The following ANKRD30A variants were observed in gnomAD, a reference collection of about 807,000 sequenced individuals.
ANKRD30A encodes the protein ankyrin repeat domain-containing protein 30A.
Under a neutral mutation model 166.3 loss-of-function variants are expected in ANKRD30A, and 170 were observed. That is an observed-to-expected ratio of 1.02 (90% confidence interval 0.90 to 1.16). ANKRD30A has a LOEUF of 1.16. ANKRD30A is among the 50% of genes most tolerant of loss of function. ANKRD30A has a pLI of 0.00. For synonymous variants in ANKRD30A, 564 were observed against 508.9 expected, an observed-to-expected ratio of 1.11 and a Z score of -1.46; for missense variants, 1,630 against 1,518.0, an observed-to-expected ratio of 1.07 and a Z score of -1.23.
intron 13 of ANKRD30A, among the ~76,000 whole-genome samples, chr10:37,155,160 A>G (rs1251654904): frequency 6.6e-6 from 1 of 152,208 alleles, no homozygotes; most frequent in Non-Finnish European, 1.5e-5. Context: ...TACTGATTTT[A>G]ACATAGAAAA....
chr10:37,245,551 A>C, the ANKRD30A span, among the ~76,000 whole-genome samples: 2 of 151,934 alleles, frequency 1.3e-5, no homozygotes. Context: ...TTGTTTTCAT[A>C]ATATATATCT....
chr10:37,196,548 T>C (rs914637156), intron 27 of ANKRD30A, among the ~76,000 whole-genome samples: 1 of 152,194 alleles, frequency 6.6e-6, no homozygotes, highest in African/African-American at 2.4e-5. Context: ...ATAAGATTGC[T>C]TTTTAAGATA....
In ANKRD30A at chr10:37,158,309, T is replaced by C. The variant is rs1838539834; in HGVS notation, c.1799-83T>C. On this transcript the variant is annotated intron_variant, in intron 13 of 35. Transcript: ENST00000361713. ...TTTGCAATCCAAGCATGAGGATTCA[T>C]CTTCATGTTCACACTGTGTGAATGT... 4 of 1,514,056 alleles carry C rather than the reference T, an allele frequency of 2.6e-6. No homozygotes were observed. In the South Asian group the frequency reaches 4.7e-5, roughly 18 times the overall value. 93.8% of individuals were successfully genotyped at this position (1,514,056 alleles called of 1,614,324 possible).
At position 37,142,152 on chromosome 10, in the gene ANKRD30A, T is replaced by G. The variant is rs533890211; in HGVS notation, c.1255T>G (p.Trp419Gly). The G allele has an allele frequency of 6.2e-7, 1 of 1,613,918 alleles. No individual in the cohort carries two copies. The highest frequency in any genetic ancestry group is 2.2e-5 in the East Asian group (1 of 44,876). ...AAAAGGAAGACCTAGGAAGATCGCA[T>G]GGGAGAAAAAAGAAACACCTGTAAA... is the stretch of plus-strand genomic sequence containing the variant. ...AAKGRPRKIAWEKKETPVKTG... is the reference protein window; with the variant it reads ...AAKGRPRKIAGEKKETPVKTG... Residue 419 changes from tryptophan to glycine, a missense_variant, in exon 7 of 36, where the codon TGG becomes GGG. By Grantham distance (184) the Trp-to-Gly change is radical. Transcript: ENST00000361713.
At chr10:37,179,024 A>C (rs1454762992) in intron 24 of ANKRD30A, among the ~76,000 whole-genome samples, 2 of 21,616 alleles carry the variant, frequency 9.3e-5, no homozygotes, top group African/African-American at 2.6e-4. Context: ...ATATATATAT[A>C]TATATATATA....
chr10:37,156,477 A>T (rs1745987694), intron 13 of ANKRD30A, among the ~76,000 whole-genome samples: 1 of 152,224 alleles, frequency 6.6e-6, no homozygotes, highest in South Asian at 2.1e-4. Flanking sequence ...AGAGTTTTCA[A>T]CCTTACATAG....
rs1420262529 is a variant in ANKRD30A, at chr10:37,162,780, C to G, written c.1934C>G (p.Ala645Gly). ...TTTGCTTCCAACCCCATTTAGCCTG[C>G]CACTGAAATGCAAAAGTCTGTCCCA... ...PPGKPSAFEPATEMQKSVPNK... is the reference protein window; with the variant it reads ...PPGKPSAFEPGTEMQKSVPNK... The change falls in exon 17 of 36, where the codon GCC becomes GGC. Residue 645 changes from alanine (A) to glycine (G), a missense_variant. Around this residue, in one of 4 missense-constraint regions of ANKRD30A, gnomAD observed 904 missense variants for 818.5 expected, o/e 1.10. Transcript: ENST00000361713. 1.2e-6 allele frequency: 2 copies of G among 1,613,694 alleles called. No homozygotes were observed.
the ANKRD30A span, among the ~76,000 whole-genome samples, chr10:37,264,007 A>G: frequency 6.6e-6 from 1 of 152,236 alleles, no homozygotes; most frequent in Non-Finnish European, 1.5e-5. Context: ...TTAAGAGGAC[A>G]AAGGAGGAAA....
chr10:37,152,014 G>C, intron 11 of ANKRD30A, 46 bp from the exon 12 acceptor site: 2 of 1,498,926 alleles, frequency 1.3e-6, no homozygotes, highest in Non-Finnish European at 9.2e-7. Context: ...AAAATTTATA[G>C]TAGAGAAATG....
At chr10:37,129,852 A>G (rs752257064) in intron 1 of ANKRD30A, 41 bp from the exon 2 acceptor site, 1 of 1,259,290 alleles carries the variant, frequency 7.9e-7, no homozygotes, top group Non-Finnish European at 1.1e-6. Context: ...GTTTTGGGAC[A>G]GTGGACTAAA....
intron 31 of ANKRD30A, among the ~76,000 whole-genome samples, chr10:37,211,065 C>T (rs1006175275): frequency 2.0e-5 from 3 of 151,788 alleles, no homozygotes; most frequent in Non-Finnish European, 4.4e-5. Flanking sequence ...AATGATATTG[C>T]CTAGGTTTTC....
chr10:37,162,894 G>T, intron 17 of ANKRD30A, 46 bp downstream of exon 17: 2 of 1,592,470 alleles, frequency 1.3e-6, no homozygotes, highest in South Asian at 1.1e-5. Context: ...TTTCAATATT[G>T]GACATTTTGA....
intron 29 of ANKRD30A, among the ~76,000 whole-genome samples, chr10:37,197,927 T>C (rs766078431): frequency 9.2e-5 from 14 of 152,062 alleles, no homozygotes; most frequent in Non-Finnish European, 1.3e-4. Flanking sequence ...AGAAAATCAG[T>C]AACTCGGATT....
At chr10:37,259,864 A>C in the ANKRD30A span, among the ~76,000 whole-genome samples, 1 of 152,256 alleles carries the variant, frequency 6.6e-6, no homozygotes, top group Admixed American at 6.5e-5. Context: ...GGTGTTTGTA[A>C]TTTCTATTTC....
At chr10:37,133,020 A>C (rs1836470882) in intron 4 of ANKRD30A, among the ~76,000 whole-genome samples, 1 of 152,108 alleles carries the variant, frequency 6.6e-6, no homozygotes, top group African/African-American at 2.4e-5. Context: ...AAAAAGAAAA[A>C]TTAAATAGAA....
intron 6 of ANKRD30A, 86 bp from the exon 7 acceptor site, chr10:37,141,632 C>CAG (rs1191543778): frequency 7.6e-7 from 1 of 1,318,588 alleles, no homozygotes; most frequent in African/African-American, 1.5e-5. Context: ...GGAAAGCATA[C>CAG]AGAATGAGTA....
At chr10:37,230,424 C>T (rs796149979) in intron 34 of ANKRD30A, among the ~76,000 whole-genome samples, 53 of 152,034 alleles carry the variant, frequency 3.5e-4, no homozygotes, top group African/African-American at 1.2e-3. Context: ...ATGTCTCTTC[C>T]GCATTTGTTG....
In ANKRD30A at chr10:37,129,912, T is replaced by A. The variant is rs2132505592; in HGVS notation, c.241T>A (p.Cys81Ser). ...TCGTAGGACTGCTCTACACTGGGCCTGTGTCAATGGCCATGAGGAAGTAGT... is the reference window on the plus strand; with the variant it reads ...TCGTAGGACTGCTCTACACTGGGCCAGTGTCAATGGCCATGAGGAAGTAGT... ...AQKRTALHWA[C>S]VNGHEEVVTF... is the part of the protein sequence containing the mutation. Residue 81 changes from cysteine (C) to serine (S), a missense_variant, in exon 2 of 36, where the codon TGT becomes AGT. Cys to Ser is a moderately radical substitution (Grantham distance 112). Coordinates refer to ENST00000361713, the MANE Select transcript of ANKRD30A (RefSeq NM_052997.3). The A allele has an allele frequency of 6.4e-7, 1 of 1,559,766 alleles. No individual in the cohort carries two copies. Among genetic ancestry groups the A allele is most frequent in the South Asian group, 1.2e-5 (1 of 82,570 alleles).
intron 34 of ANKRD30A, among the ~76,000 whole-genome samples, chr10:37,222,727 A>G (rs1439025298): frequency 1.3e-5 from 2 of 151,194 alleles, no homozygotes; most frequent in African/African-American, 4.8e-5. Flanking sequence ...TGGTGGACAC[A>G]TTTTCCATTT....
Sources: gnomAD v4.1 joint callset for allele counts (sites outside exome capture counted in the v4.1 genomes callset) on GRCh38, gnomAD v4.1.1 for gene constraint, gnomAD v4.1.1 regional missense constraint, MANE v1.5 for transcripts, NCBI Gene and HGNC (gene_info 2026-07-23, HGNC 2026-07-21) for gene names.